QTRT1: variants seen among roughly 807,000 people sequenced by gnomAD.
QTRT1 encodes the protein queuine tRNA-ribosyltransferase catalytic subunit 1.
A neutral mutation model predicts 44.0 loss-of-function variants in QTRT1; 41 were observed. The observed-to-expected ratio is 0.93, with a 90% CI of 0.73 to 1.21. QTRT1 has a LOEUF of 1.21. Among genes scored for constraint, QTRT1 ranks in the 50% most tolerant of loss-of-function variants. The probability of loss-of-function intolerance (pLI) is 0.00; values close to 1 mark genes in which losing one functional copy is unlikely to be tolerated. For missense variants in QTRT1, 542 were observed against 575.8 expected, an observed-to-expected ratio of 0.94 and a Z score of 0.60; for synonymous variants, 226 against 237.1, an observed-to-expected ratio of 0.95 and a Z score of 0.43.
chr19:10,712,977 A>G lies in QTRT1; in HGVS notation c.996A>G (p.Ala332=), dbSNP rs2145626328. ...CQKHSRAFLH[A]LLHSDNTAAL... is the part of the protein sequence containing the mutation. ...GGCACAGCCGCGCCTTCCTGCACGC[A>G]CTGCTGCACAGTGACAACACGGCCG... Residue 332 remains alanine, a synonymous_variant, in exon 9 of 10, where the codon GCA becomes GCG. Coordinates refer to ENST00000250237, the MANE Select transcript of QTRT1 (RefSeq NM_031209.3). The surrounding 1 kb of genome is among the most constrained non-coding windows in gnomAD (Gnocchi z 5.6). 6.2e-7 allele frequency: 1 copy of G among 1,612,756 alleles called. No homozygotes were observed. Among genetic ancestry groups the G allele is most frequent in the African/African-American group, 1.3e-5 (1 of 75,020 alleles).
At chr19:10,708,016 C>T (rs1413947658) in intron 5 of QTRT1, among the ~76,000 whole-genome samples, 4 of 151,006 alleles carry the variant, frequency 2.6e-5, no homozygotes, top group South Asian at 2.1e-4. Flanking sequence ...GGCGCGATCT[C>T]GGCTCACTGC....
rs34948949 is a variant in QTRT1, at chr19:10,702,759, CTTTTTTTT to C, written c.451+525_451+532del. 5.4e-3 allele frequency among the ~76,000 whole-genome samples: 369 copies of C among 68,568 alleles called. 3 individuals are homozygous for C. The highest frequency in any genetic ancestry group is 0.018 in the African/African-American group (332 of 18,096). The allele number at this position is 68,568 out of a possible 152,430, so 45.0% of individuals were successfully genotyped here. A position where few individuals can be genotyped will look rare whatever the true frequency, so the allele number is the denominator to read the frequency against. On this transcript the variant is annotated intron_variant, in intron 3 of 9. Transcript: ENST00000250237. ...CTTCTCCCATATCCTCAATATCCTT[CTTTTTTTT>C]TTTTTTTTTTTTTTTTTTTGAGACA...
At chr19:10,703,313 C>T (rs1488440123) in intron 3 of QTRT1, among the ~76,000 whole-genome samples, 2 of 151,928 alleles carry the variant, frequency 1.3e-5, no homozygotes, top group Non-Finnish European at 2.9e-5. Flanking sequence ...CCACCTGCTT[C>T]GGCCTCGCAG....
At position 10,713,203 on chromosome 19, in the gene QTRT1, G is replaced by T; in HGVS notation, c.1145G>T (p.Gly382Val). ...CGGGACTTCATGGGCGCCATGTACG[G>T]GGATCCCACCCTCTGTCCCACCTGG... Reference protein sequence around the residue: ...FVRDFMGAMYGDPTLCPTWAT... With the variant: ...FVRDFMGAMYVDPTLCPTWAT... Residue 382 changes from glycine to valine, a missense_variant, in exon 10 of 10, where the codon GGG becomes GTG. Transcript: ENST00000250237. The surrounding 1 kb of genome is among the most constrained non-coding windows in gnomAD (Gnocchi z 4.3). The T allele has an allele frequency of 6.2e-7, 1 of 1,609,008 alleles. No individual in the cohort carries two copies.
intron 5 of QTRT1, 172 bp from the exon 6 acceptor site, chr19:10,711,989 C>T: frequency 2.6e-6 from 2 of 756,706 alleles, no homozygotes; most frequent in South Asian, 1.7e-5. Context: ...GGACCCTCTC[C>T]TCTGTCTCCC....
In QTRT1 at chr19:10,705,925, G is replaced by A. The variant is rs552747068; in HGVS notation, c.452-1377G>A. On this transcript the variant is annotated intron_variant, in intron 3 of 9. Coordinates refer to ENST00000250237, the MANE Select transcript of QTRT1 (RefSeq NM_031209.3). ...GGCTGGAGTGTAGTGGTGCGATCTC[G>A]GCTCACTGCAAGCTTCACCTCCCGG... Among the ~76,000 whole-genome samples, 23 of 132,562 alleles carry A rather than the reference G, an allele frequency of 1.7e-4. No homozygotes were observed. In the South Asian group the frequency reaches 5.4e-3, roughly 31 times the overall value. 87.0% of individuals were successfully genotyped at this position (132,562 alleles called of 152,430 possible). A position where few individuals can be genotyped will look rare whatever the true frequency, so the allele number is the denominator to read the frequency against.
At position 10,701,975 on chromosome 19, in the gene QTRT1, A is replaced by T; in HGVS notation, c.269A>T (p.Asn90Ile). Residue 90 changes from asparagine to isoleucine, a missense_variant, in exon 2 of 10, where the codon AAC becomes ATC. By Grantham distance (149) the Asn-to-Ile change is moderately radical (BLOSUM62 -3). Coordinates refer to ENST00000250237, the MANE Select transcript of QTRT1 (RefSeq NM_031209.3). ...RPGPELIQKA[N>I]GLHGFMNWPH... ...GGACCCGAGCTGATCCAGAAAGCCA[A>T]CGGTCTCCACGGCTTCATGAATTGG... 3 of 1,614,154 alleles carry T rather than the reference A, an allele frequency of 1.9e-6. No individual in the cohort carries two copies. Among genetic ancestry groups the T allele is most frequent in the Non-Finnish European group, 2.5e-6 (3 of 1,180,022 alleles).
At chr19:10,710,708 G>A (rs2068734951) in intron 5 of QTRT1, among the ~76,000 whole-genome samples, 1 of 151,942 alleles carries the variant, frequency 6.6e-6, no homozygotes, top group Admixed American at 6.6e-5. Context: ...GATTACCTGA[G>A]GTCAGGAGTT....
Position 10,701,567 on chromosome 19 carries a change from C to T in QTRT1, c.107C>T (p.Pro36Leu), listed in dbSNP as rs1484092533. 9.3e-6 allele frequency: 15 copies of T among 1,606,682 alleles called. No homozygotes were observed. Among genetic ancestry groups the T allele is most frequent in the African/African-American group, 1.3e-5 (1 of 74,972 alleles). Reference sequence around the variant, plus strand: ...GCCCGGGCAGGCGAGCTGTGGCTGCCGCATGGGACAGTGGCCACTCCTGTG... The same window carrying T: ...GCCCGGGCAGGCGAGCTGTGGCTGCTGCATGGGACAGTGGCCACTCCTGTG... ...SRARAGELWLPHGTVATPVFM... is the reference protein window; with the variant it reads ...SRARAGELWLLHGTVATPVFM... Residue 36 changes from proline to leucine, a missense_variant, in exon 1 of 10, where the codon CCG (proline) becomes CTG (leucine). Pro to Leu is a moderately conservative substitution (Grantham distance 98). Transcript: ENST00000250237.
chr19:10,712,116 G>A lies in QTRT1; in HGVS notation c.647-45G>A, dbSNP rs1830665489. 2.5e-6 allele frequency: 4 copies of A among 1,608,776 alleles called. 1 individual carries two copies. The South Asian group carries it at 3.3e-5, about 13-fold the overall frequency. ...GGTGTGTTCTGGGATTGAAGACCAG[G>A]CGCATTTCCTCTTCTGTGGCCCTCA... On this transcript the variant is annotated intron_variant, in intron 5 of 9. Transcript: ENST00000250237. The surrounding 1 kb of genome is among the most constrained non-coding windows in gnomAD (Gnocchi z 5.6).
intron 3 of QTRT1, 88 bp from the exon 4 acceptor site, chr19:10,707,214 G>T (rs2068717781): frequency 1.5e-6 from 2 of 1,338,174 alleles, no homozygotes; most frequent in South Asian, 2.4e-5. Context: ...GATGCTCTTG[G>T]GGAAGTCCAA....
Position 10,712,960 on chromosome 19 carries a change from C to T in QTRT1, c.979C>T (p.Arg327Cys), listed in dbSNP as rs148263925. The change falls in exon 9 of 10, where the codon CGC (arginine) becomes TGC (cysteine). Residue 327 changes from arginine to cysteine, a missense_variant. Coordinates refer to ENST00000250237, the MANE Select transcript of QTRT1 (RefSeq NM_031209.3). The surrounding 1 kb of genome is among the most constrained non-coding windows in gnomAD (Gnocchi z 5.6). ...CTCPTCQKHS[R>C]AFLHALLHSD... is the part of the protein sequence containing the mutation. ...TCCCCTGCCGCTCTACAGGCACAGC[C>T]GCGCCTTCCTGCACGCACTGCTGCA... is the stretch of plus-strand genomic sequence containing the variant. The T allele has an allele frequency of 4.9e-5, 79 of 1,612,830 alleles. No homozygotes were observed. The highest frequency in any genetic ancestry group is 1.6e-4 in the South Asian group (15 of 91,080).
chr19:10,713,162 C>G lies in QTRT1; in HGVS notation c.1104C>G (p.Arg368=), dbSNP rs747885034. 8 of 1,609,254 alleles carry G rather than the reference C, an allele frequency of 5.0e-6. No individual in the cohort carries two copies. In the Admixed American group the frequency reaches 5.0e-5, roughly 10 times the overall value. The change falls in exon 10 of 10, where the codon CGC becomes CGG. Residue 368 remains arginine, a synonymous_variant. Coordinates refer to ENST00000250237, the MANE Select transcript of QTRT1 (RefSeq NM_031209.3). The surrounding 1 kb of genome is among the most constrained non-coding windows in gnomAD (Gnocchi z 4.3). ...SAVRTSIVEK[R]FPDFVRDFMG... is the part of the protein sequence containing the mutation. ...TCCGCACCAGCATCGTGGAGAAGCG[C>G]TTCCCGGACTTCGTGCGGGACTTCA...
At chr19:10,710,452 G>A (rs2068733505) in intron 5 of QTRT1, among the ~76,000 whole-genome samples, 1 of 151,942 alleles carries the variant, frequency 6.6e-6, no homozygotes, top group South Asian at 2.1e-4. Context: ...GAGTAGCTGG[G>A]ATTACAGGCA....
chr19:10,708,100 G>T (rs945111007), intron 5 of QTRT1, among the ~76,000 whole-genome samples: 3 of 151,848 alleles, frequency 2.0e-5, no homozygotes, highest in Non-Finnish European at 2.9e-5. Context: ...GAGTAGCTGG[G>T]ACTACAGGCA....
chr19:10,707,745 G>C (rs551369147), intron 5 of QTRT1, 130 bp downstream of exon 5: 69 of 596,324 alleles, frequency 1.2e-4, no homozygotes, highest in African/African-American at 1.1e-3. Context: ...CGGAGCAAAG[G>C]CTCTCGGGCC....
intron 5 of QTRT1, 177 bp from the exon 6 acceptor site, chr19:10,711,984 C>A: frequency 1.4e-6 from 1 of 729,936 alleles, no homozygotes; most frequent in Non-Finnish European, 2.3e-6. Flanking sequence ...CTGATGGACC[C>A]TCTCCTCTGT....
chr19:10,703,144 C>A (rs191132194), intron 3 of QTRT1, among the ~76,000 whole-genome samples: 1 of 149,238 alleles, frequency 6.7e-6, no homozygotes. Context: ...GTCACTGCAA[C>A]CTCCACCTCC....
chr19:10,706,371 A>C (rs926303084), intron 3 of QTRT1, among the ~76,000 whole-genome samples: 3 of 151,934 alleles, frequency 2.0e-5, no homozygotes, highest in Admixed American at 2.0e-4. Flanking sequence ...CTATAATCTT[A>C]GCACTTTTGT....
Sources: allele counts gnomAD v4.1 joint callset (sites outside exome capture counted in the v4.1 genomes callset), GRCh38; gene constraint gnomAD v4.1.1; non-coding constraint Gnocchi (gnomAD v3.1); transcripts MANE v1.5; gene names NCBI Gene and HGNC (gene_info 2026-07-23, HGNC 2026-07-21).